Variants in ZC2HC1A observed in about 807,000 individuals in gnomAD.
The protein encoded by ZC2HC1A is zinc finger C2HC-type containing 1A.
A neutral mutation model predicts 40.7 loss-of-function variants in ZC2HC1A; 28 were observed. The ratio of observed to expected loss-of-function variants is 0.69; its 90% CI spans 0.51 to 0.94. ZC2HC1A has a LOEUF of 0.94. Among genes scored for constraint, ZC2HC1A ranks in the 40% least tolerant of loss-of-function variants. The probability of loss-of-function intolerance (pLI) is 0.00; values close to 1 mark genes in which losing one functional copy is unlikely to be tolerated. For synonymous variants in ZC2HC1A, 129 were observed against 129.2 expected (o/e 1.00, Z 0.01); for missense variants, 389 against 386.3 (o/e 1.01, Z -0.06).
chr8:78,707,440 A>G (rs78383172), intron 7 of ZC2HC1A, among the ~76,000 whole-genome samples: 5,622 of 152,262 alleles, frequency 0.037, 315 homozygotes, highest in African/African-American at 0.13. Flanking sequence ...GCTGTGACAT[A>G]TTGTCTGACT....
chr8:78,694,461 A>T (rs1156604697), intron 5 of ZC2HC1A, among the ~76,000 whole-genome samples: 1 of 152,104 alleles, frequency 6.6e-6, no homozygotes, highest in Non-Finnish European at 1.5e-5. Flanking sequence ...TCAGTCTGGA[A>T]ACATTTGAAA....
intron 5 of ZC2HC1A, among the ~76,000 whole-genome samples, chr8:78,692,888 C>T (rs567539260): frequency 1.3e-5 from 2 of 152,250 alleles, no homozygotes; most frequent in South Asian, 4.1e-4. Context: ...CCACTCCCCC[C>T]ACCCCACAAC....
chr8:78,695,837 G>A (rs1340883028), intron 5 of ZC2HC1A, among the ~76,000 whole-genome samples: 1 of 152,076 alleles, frequency 6.6e-6, no homozygotes, highest in Admixed American at 6.5e-5. Context: ...TGCAAAACGT[G>A]AATGCTACTT....
At chr8:78,668,552 CATGT>C (rs904542743) in intron 1 of ZC2HC1A, among the ~76,000 whole-genome samples, 4 of 152,182 alleles carry the variant, frequency 2.6e-5, no homozygotes, top group Non-Finnish European at 5.9e-5. Context: ...ACGTTATTTG[CATGT>C]AATCATATAC....
rs779326116 is a variant in ZC2HC1A at position 78,715,217 on chromosome 8, A to C, written c.705-4A>C. The C allele has an allele frequency of 1.2e-6, 2 of 1,610,462 alleles. No homozygotes were observed. ...TTTTCCATTATTTTTCCTCTTTTTTATAGAGCTAATGTCAAACCCCGAAAT... is the reference window on the plus strand; with the variant it reads ...TTTTCCATTATTTTTCCTCTTTTTTCTAGAGCTAATGTCAAACCCCGAAAT... On this transcript the variant is annotated splice_region_variant and splice_polypyrimidine_tract_variant and intron_variant, in intron 7 of 8. Transcript: ENST00000263849.
intron 1 of ZC2HC1A, among the ~76,000 whole-genome samples, chr8:78,667,722 G>C (rs991705860): frequency 6.6e-6 from 1 of 152,100 alleles, no homozygotes; most frequent in Non-Finnish European, 1.5e-5. Context: ...AAATGATAAA[G>C]CTTTACTCTC....
In ZC2HC1A at chr8:78,698,472, C is replaced by T. The variant is rs201695053; in HGVS notation, c.663C>T (p.Thr221=). 1 of 1,612,936 alleles carries T rather than the reference C, an allele frequency of 6.2e-7. No homozygotes were observed. The highest frequency in any genetic ancestry group is 1.7e-5 in the Admixed American group (1 of 59,924). Reference sequence around the variant, plus strand: ...GCTCTTTGGGAAACAAACTTCAGACCTTATCTCCCTCTCATAAAGGGATAG... The same window carrying T: ...GCTCTTTGGGAAACAAACTTCAGACTTTATCTCCCTCTCATAAAGGGATAG... ...SSSSLGNKLQ[T]LSPSHKGIAA... is the part of the protein sequence containing the mutation. Residue 221 remains threonine (T), a synonymous_variant, in exon 7 of 9, where the codon ACC becomes ACT. Transcript: ENST00000263849.
intron 2 of ZC2HC1A, 138 bp from the exon 3 acceptor site, chr8:78,678,425 T>C: frequency 3.1e-6 from 2 of 654,978 alleles, no homozygotes; most frequent in Non-Finnish European, 5.3e-6. Flanking sequence ...GCAAGGTGTA[T>C]CTTATTTATT....
intron 3 of ZC2HC1A, among the ~76,000 whole-genome samples, chr8:78,680,868 A>G (rs947232596): frequency 2.0e-5 from 3 of 152,184 alleles, no homozygotes; most frequent in Non-Finnish European, 4.4e-5. Flanking sequence ...TGTTTAGTAT[A>G]GGCAAGACAG....
At chr8:78,686,257 G>A (rs959372317) in intron 3 of ZC2HC1A, among the ~76,000 whole-genome samples, 9 of 152,078 alleles carry the variant, frequency 5.9e-5, no homozygotes, top group Admixed American at 1.3e-4. Context: ...TGTCTTTCGC[G>A]ATGACACTTA....
intron 5 of ZC2HC1A, among the ~76,000 whole-genome samples, chr8:78,692,362 A>G (rs764048867): frequency 8.6e-5 from 13 of 152,040 alleles, no homozygotes; most frequent in African/African-American, 1.2e-4. Context: ...TATTATTACT[A>G]TTTTTTAATC....
In ZC2HC1A at chr8:78,666,096, G is replaced by C; in HGVS notation, c.-53G>C. The C allele has an allele frequency of 6.4e-7, 1 of 1,555,184 alleles. No homozygotes were observed. Among genetic ancestry groups the C allele is most frequent in the Non-Finnish European group, 8.7e-7 (1 of 1,149,408 alleles). ...GGCTGGGTTGCTACAGCCAGAGCTG[G>C]GCGGTGGCGGGCGCTGCTGAAGGAG... On this transcript the variant is annotated 5_prime_UTR_variant, in exon 1 of 9. Coordinates refer to ENST00000263849, the MANE Select transcript of ZC2HC1A (RefSeq NM_016010.3).
intron 3 of ZC2HC1A, among the ~76,000 whole-genome samples, chr8:78,683,016 C>G (rs1357362798): frequency 6.6e-6 from 1 of 152,228 alleles, no homozygotes; most frequent in Non-Finnish European, 1.5e-5. Flanking sequence ...CCAGGTCATG[C>G]TGGTTCAAAA....
At position 78,698,517 on chromosome 8, in the gene ZC2HC1A, A is replaced by G. The variant is rs771006920; in HGVS notation, c.704+4A>G. On this transcript the variant is annotated splice_donor_region_variant and intron_variant, in intron 7 of 8. Coordinates refer to ENST00000263849, the MANE Select transcript of ZC2HC1A (RefSeq NM_016010.3). Reference sequence around the variant, plus strand: ...GGATAGCAGCCCCTCATGCAGGGTAAGTCTACACTGGATATAATTATTAGT... The same window carrying G: ...GGATAGCAGCCCCTCATGCAGGGTAGGTCTACACTGGATATAATTATTAGT... The G allele has an allele frequency of 5.1e-6, 8 of 1,578,594 alleles. No homozygotes were observed. The highest frequency in any genetic ancestry group is 6.9e-6 in the Non-Finnish European group (8 of 1,156,070).
In ZC2HC1A at chr8:78,671,940, C is replaced by T. The variant is rs143142303; in HGVS notation, c.17-3847C>T. Among the ~76,000 whole-genome samples, 880 of 152,078 alleles carry T rather than the reference C, an allele frequency of 5.8e-3. 8 individuals are homozygous for T. The highest frequency in any genetic ancestry group is 0.02 in the African/African-American group (821 of 41,494). ...CTTAAGGTAGATTTTGTTAAATTAC[C>T]GTACGTTACAGATAAAAAGGGACCG... On this transcript the variant is annotated intron_variant, in intron 1 of 8. Transcript: ENST00000263849.
At chr8:78,669,947 A>C (rs1809393444) in intron 1 of ZC2HC1A, among the ~76,000 whole-genome samples, 1 of 142,856 alleles carries the variant, frequency 7.0e-6, no homozygotes. Context: ...GAATGAATGT[A>C]TTTCTTTCTT....
chr8:78,686,368 A>G, intron 3 of ZC2HC1A, 99 bp from the exon 4 acceptor site: 1 of 1,027,126 alleles, frequency 9.7e-7, no homozygotes, highest in Non-Finnish European at 1.3e-6. Flanking sequence ...CTGATAAGAG[A>G]ACATTTAAAA....
In ZC2HC1A at chr8:78,697,498, C is replaced by T; in HGVS notation, c.596C>T (p.Thr199Ile). 1 of 1,606,884 alleles carries T rather than the reference C, an allele frequency of 6.2e-7. No homozygotes were observed. The highest frequency in any genetic ancestry group is 1.3e-5 in the African/African-American group (1 of 74,440). Residue 199 changes from threonine (T) to isoleucine (I), a missense_variant, in exon 6 of 9, where the codon ACT (threonine) becomes ATT (isoleucine). By Grantham distance (89) the Thr-to-Ile change is moderately conservative (BLOSUM62 -1). Transcript: ENST00000263849. ...RLPQPSGAGK[T>I]VVGVPSGKVS... ...CCGCAGCCAAGTGGCGCTGGCAAAA[C>T]TGTTGTAGGTAATGATAGCCGAAAA...
At chr8:78,700,388 A>G (rs1451440279) in intron 7 of ZC2HC1A, among the ~76,000 whole-genome samples, 2 of 151,786 alleles carry the variant, frequency 1.3e-5, no homozygotes, top group Non-Finnish European at 1.5e-5. Context: ...TTGTTAAATT[A>G]TAGATGCTGG....
Sources: gnomAD v4.1 joint callset for allele counts (sites outside exome capture counted in the v4.1 genomes callset) on GRCh38, gnomAD v4.1.1 for gene constraint, MANE v1.5 for transcripts, NCBI Gene and HGNC (gene_info 2026-07-23, HGNC 2026-07-21) for gene names.